Variants in VEGFC observed in about 807,000 individuals in gnomAD.
VEGFC encodes FLT4 ligand DHM.
Under a neutral mutation model 46.1 loss-of-function variants are expected in VEGFC, and 12 were observed. That is an observed-to-expected ratio of 0.26 (90% CI 0.17 to 0.42). VEGFC has a LOEUF of 0.42. Ranked by LOEUF, VEGFC falls within the 10% of genes least tolerant of loss-of-function variation. VEGFC has a pLI of 1.00. For synonymous variants in VEGFC, 232 were observed against 195.5 expected, an observed-to-expected ratio of 1.19 and a Z score of -1.56; for missense variants, 488 against 529.4, an observed-to-expected ratio of 0.92 and a Z score of 0.77.
intron 4 of VEGFC, among the ~76,000 whole-genome samples, chr4:176,699,513 G>A (rs141627738): frequency 6.6e-6 from 1 of 152,266 alleles, no homozygotes; most frequent in East Asian, 1.9e-4. Context: ...TCTTGCCCAA[G>A]CTTTCTGTCT....
chr4:176,711,702 C>A, intron 3 of VEGFC, 52 bp from the exon 4 acceptor site: 5 of 1,586,206 alleles, frequency 3.2e-6, no homozygotes, highest in Non-Finnish European at 4.3e-6. Context: ...CTGTAAAGCA[C>A]TTTTATGGTA....
At chr4:176,790,816 G>A (rs148432906) in intron 1 of VEGFC, among the ~76,000 whole-genome samples, 3 of 152,186 alleles carry the variant, frequency 2.0e-5, no homozygotes, top group East Asian at 3.9e-4. Context: ...ACATTTCTGC[G>A]GTATTTAAGA....
chr4:176,727,838 A>C lies in VEGFC; in HGVS notation c.492T>G (p.Gly164=), dbSNP rs1385364160. 6.2e-7 allele frequency: 1 copy of C among 1,613,534 alleles called. No individual in the cohort carries two copies. The highest frequency in any genetic ancestry group is 1.3e-5 in the African/African-American group (1 of 74,790). Residue 164 remains glycine (G), a synonymous_variant, in exon 3 of 7, where the codon GGT becomes GGG. Coordinates refer to ENST00000618562, the MANE Select transcript of VEGFC (RefSeq NM_005429.5). The part of the protein sequence containing the change: ...PPCVSVYRCG[G]CCNSEGLQCM... ...ACTGCAGCCCCTCACTATTGCAGCA[A>C]CCCCCACATCTGTAGACGGACACAC... is the stretch of plus-strand genomic sequence containing the variant.
intron 1 of VEGFC, among the ~76,000 whole-genome samples, chr4:176,757,111 G>C (rs1451501724): frequency 6.6e-6 from 1 of 151,970 alleles, no homozygotes; most frequent in African/African-American, 2.4e-5. Context: ...GTAAAATGAG[G>C]AATAAATGGA....
intron 4 of VEGFC, among the ~76,000 whole-genome samples, chr4:176,707,080 T>A (rs944849908): frequency 6.6e-6 from 1 of 152,208 alleles, no homozygotes; most frequent in East Asian, 1.9e-4. Context: ...TCATTCTTTT[T>A]ACATTGCTCA....
intron 1 of VEGFC, among the ~76,000 whole-genome samples, chr4:176,749,697 AAT>A (rs574587449): frequency 1.3e-3 from 195 of 151,982 alleles, no homozygotes; most frequent in Non-Finnish European, 2.2e-3. Context: ...AAAGTGGTCA[AAT>A]ATATACCAAA....
intron 4 of VEGFC, among the ~76,000 whole-genome samples, chr4:176,701,066 C>T (rs1489716052): frequency 6.6e-6 from 1 of 152,010 alleles, no homozygotes; most frequent in Admixed American, 6.5e-5. Context: ...AGAACTTACA[C>T]CCAAAAAAGA....
intron 6 of VEGFC, among the ~76,000 whole-genome samples, 198 bp downstream of exon 6, chr4:176,686,989 G>T (rs916416192): frequency 6.6e-6 from 1 of 152,022 alleles, no homozygotes; most frequent in Non-Finnish European, 1.5e-5. Context: ...GATCCTCAAG[G>T]CTCCTGTCTT....
intron 1 of VEGFC, among the ~76,000 whole-genome samples, chr4:176,757,372 T>C (rs971346648): frequency 6.6e-6 from 1 of 152,062 alleles, no homozygotes. Context: ...TAAAAGCTTA[T>C]AATATCAATA....
chr4:176,762,471 C>T (rs994611723), intron 1 of VEGFC, among the ~76,000 whole-genome samples: 1 of 152,074 alleles, frequency 6.6e-6, no homozygotes. Context: ...GGCTCCTGAC[C>T]TGCCAGCAAC....
At chr4:176,690,971 G>T (rs1734166095) in intron 4 of VEGFC, among the ~76,000 whole-genome samples, 1 of 152,084 alleles carries the variant, frequency 6.6e-6, no homozygotes, top group Admixed American at 6.5e-5. Flanking sequence ...AATGACATGG[G>T]CTCAGAAATG....
intron 1 of VEGFC, among the ~76,000 whole-genome samples, chr4:176,769,003 C>T (rs572934671): frequency 6.6e-6 from 1 of 152,060 alleles, no homozygotes. Flanking sequence ...ATTAAGAGGC[C>T]AGACCTTTGG....
rs1734056638 is a variant in VEGFC, at chr4:176,687,212, T to G, written c.1120A>C (p.Lys374Gln). ...CTGCATGTTTGGTGGTGGAACTTCT[T>G]TCCTTTTAACAAGCATTTCTGTGGA... ...ESPQKCLLKG[K>Q]KFHHQTCSCY... is the part of the protein sequence containing the mutation. The change falls in exon 6 of 7, where the codon AAG becomes CAG. Residue 374 changes from lysine to glutamine, a missense_variant. Transcript: ENST00000618562. The G allele has an allele frequency of 1.9e-6, 3 of 1,612,560 alleles. No individual in the cohort carries two copies. The highest frequency in any genetic ancestry group is 2.5e-6 in the Non-Finnish European group (3 of 1,179,598).
chr4:176,699,475 T>C (rs546828104), intron 4 of VEGFC, among the ~76,000 whole-genome samples: 1 of 152,352 alleles, frequency 6.6e-6, no homozygotes, highest in East Asian at 1.9e-4. Flanking sequence ...CTTGTAATTG[T>C]ATTATGAAGA....
In VEGFC at chr4:176,727,510, C is replaced by T. The variant is rs585706; in HGVS notation, c.552+268G>A. Among the ~76,000 whole-genome samples, 131,735 of 152,212 alleles carry T rather than the reference C, an allele frequency of 0.87. 57,679 individuals are homozygous for T. The highest frequency in any genetic ancestry group is 1 in the East Asian group (5,164 of 5,168). On this transcript the variant is annotated intron_variant, in intron 3 of 6. Coordinates refer to ENST00000618562, the MANE Select transcript of VEGFC (RefSeq NM_005429.5). ...ACACGTACATGTACACACATACATACGTATATTTATTGTTTTCTGCATGAG... is the reference window on the plus strand; with the variant it reads ...ACACGTACATGTACACACATACATATGTATATTTATTGTTTTCTGCATGAG...
At chr4:176,722,302 G>A (rs1415769007) in intron 3 of VEGFC, among the ~76,000 whole-genome samples, 1 of 152,016 alleles carries the variant, frequency 6.6e-6, no homozygotes, top group Non-Finnish European at 1.5e-5. Context: ...TGCAAAGCTG[G>A]GAGGTGAAAG....
intron 4 of VEGFC, among the ~76,000 whole-genome samples, chr4:176,695,330 A>C (rs377463725): frequency 1.0e-3 from 147 of 145,000 alleles, no homozygotes; most frequent in East Asian, 3.6e-3. Flanking sequence ...ACAAACTACC[A>C]TCAGAGAATA....
At position 176,696,751 on chromosome 4, in the gene VEGFC, T is replaced by A. The variant is rs145112057; in HGVS notation, c.705-8824A>T. Among the ~76,000 whole-genome samples, 202 of 152,264 alleles carry A rather than the reference T, an allele frequency of 1.3e-3. 2 individuals carry two copies. Among genetic ancestry groups the A allele is most frequent in the African/African-American group, 4.5e-3 (185 of 41,524 alleles). ...TTCAAACTATACCACAAGGCTACAG[T>A]AACCAAAACAGCATGGTACTGGTTC... On this transcript the variant is annotated intron_variant, in intron 4 of 6. Coordinates refer to ENST00000618562, the MANE Select transcript of VEGFC (RefSeq NM_005429.5).
chr4:176,791,210 C>G (rs1736083518), intron 1 of VEGFC, among the ~76,000 whole-genome samples: 2 of 152,074 alleles, frequency 1.3e-5, no homozygotes, highest in Admixed American at 1.3e-4. Context: ...AATAAACTAC[C>G]GCAGTATAGT....
Sources: allele counts gnomAD v4.1 joint callset (sites outside exome capture counted in the v4.1 genomes callset), GRCh38; gene constraint gnomAD v4.1.1; transcripts MANE v1.5; gene names NCBI Gene and HGNC (gene_info 2026-07-23, HGNC 2026-07-21).